Variants in HLCS observed in about 807,000 individuals in gnomAD.
The protein encoded by HLCS is holocarboxylase synthetase.
Under a neutral mutation model 75.0 loss-of-function variants are expected in HLCS, and 53 were observed. The ratio of observed to expected loss-of-function variants is 0.71; its 90% CI spans 0.57 to 0.89. The LOEUF is 0.89. HLCS is among the 40% of genes least tolerant of loss of function. The pLI, the probability that HLCS is intolerant of heterozygous loss-of-function variation, is 0.00. For synonymous variants in HLCS, 431 were observed against 428.6 expected (o/e 1.01, Z -0.07); for missense variants, 966 against 1,074.0 (o/e 0.90, Z 1.41).
At chr21:36,849,388 A>G (rs1385897052) in intron 6 of HLCS, among the ~76,000 whole-genome samples, 8 of 152,260 alleles carry the variant, frequency 5.3e-5, no homozygotes, top group Admixed American at 4.6e-4. Flanking sequence ...TTGTAAAGCC[A>G]TTCAACGTAA....
At chr21:36,989,940 G>C (rs1170498362) in intron 1 of HLCS, among the ~76,000 whole-genome samples, 1 of 152,026 alleles carries the variant, frequency 6.6e-6, no homozygotes, top group African/African-American at 2.4e-5. Context: ...CGCTGCCCTG[G>C]GCCGCGAGGT....
At chr21:36,759,052 C>T (rs2089721895) in intron 9 of HLCS, 1 of 469,142 alleles carries the variant, frequency 2.1e-6, no homozygotes, top group Non-Finnish European at 4.4e-6. Context: ...AATATTGCCC[C>T]TTGGTGGCAG....
At chr21:36,956,600 G>A (rs1185565523) in intron 2 of HLCS, among the ~76,000 whole-genome samples, 4 of 152,018 alleles carry the variant, frequency 2.6e-5, no homozygotes, top group Admixed American at 6.6e-5. Flanking sequence ...TGTGGTGGTG[G>A]GCGCCTGTAG....
chr21:36,962,720 G>A (rs1257255686), intron 1 of HLCS, among the ~76,000 whole-genome samples: 2 of 148,124 alleles, frequency 1.4e-5, no homozygotes, highest in African/African-American at 2.5e-5. Flanking sequence ...TCGAGCCTGG[G>A]AGCCCGAGGT....
intron 2 of HLCS, among the ~76,000 whole-genome samples, chr21:36,955,885 T>G (rs2067914406): frequency 6.6e-6 from 1 of 152,220 alleles, no homozygotes; most frequent in South Asian, 2.1e-4. Flanking sequence ...TTTTCTATGT[T>G]TAGATACACA....
chr21:36,759,634 T>C (rs2089749172), intron 9 of HLCS, 93 bp downstream of exon 9: 1 of 776,126 alleles, frequency 1.3e-6, no homozygotes, highest in Admixed American at 1.8e-5. Context: ...CATATGATAA[T>C]CTGCTCCTGC....
At chr21:36,921,361 C>T (rs565612096) in intron 5 of HLCS, among the ~76,000 whole-genome samples, 1 of 152,334 alleles carries the variant, frequency 6.6e-6, no homozygotes, top group South Asian at 2.1e-4. Context: ...AGGAGAATCG[C>T]TTGAACCCGG....
At chr21:36,966,347 C>T in intron 1 of HLCS, 97 bp downstream of exon 1, 1 of 544,692 alleles carries the variant, frequency 1.8e-6, no homozygotes, top group African/African-American at 2.0e-5. Flanking sequence ...CACTCCGGGG[C>T]TCCCGAACTC....
rs930472606 is a variant in HLCS, at chr21:36,835,439, G to A, written c.1892+61421C>T. Among the ~76,000 whole-genome samples, 4 of 152,206 alleles carry A rather than the reference G, an allele frequency of 2.6e-5. No individual in the cohort carries two copies. The East Asian group carries it at 5.8e-4, about 22-fold the overall frequency. On this transcript the variant is annotated intron_variant, in intron 6 of 10. Transcript: ENST00000674895. Reference sequence around the variant, plus strand: ...GATGAAATCCAGAGCATATGTCAAAGCTGGACTATGAAGTCATAATTTCTC... The same window carrying A: ...GATGAAATCCAGAGCATATGTCAAAACTGGACTATGAAGTCATAATTTCTC...
intron 5 of HLCS, among the ~76,000 whole-genome samples, chr21:36,925,361 T>C (rs1220984218): frequency 1.3e-5 from 2 of 152,166 alleles, no homozygotes; most frequent in African/African-American, 4.8e-5. Context: ...TTAGCCACCG[T>C]TGGCCACGAT....
chr21:36,816,953 C>A lies in HLCS; in HGVS notation c.1893-49668G>T, dbSNP rs1601377927. 9.2e-5 allele frequency among the ~76,000 whole-genome samples: 14 copies of A among 152,286 alleles called. No homozygotes were observed. In the South Asian group the frequency reaches 2.9e-3, roughly 32 times the overall value. Reference sequence around the variant, plus strand: ...AAGGATCAGAGGAGTCAGCTGTGAGCACTGCTCAGATCCCAGTAAGACTTT... The same window carrying A: ...AAGGATCAGAGGAGTCAGCTGTGAGAACTGCTCAGATCCCAGTAAGACTTT... On this transcript the variant is annotated intron_variant, in intron 6 of 10. Coordinates refer to ENST00000674895, the MANE Select transcript of HLCS (RefSeq NM_001352514.2).
intron 6 of HLCS, among the ~76,000 whole-genome samples, chr21:36,827,015 C>A (rs560936728): frequency 3.2e-4 from 48 of 152,220 alleles, no homozygotes; most frequent in African/African-American, 1.1e-3. Context: ...CAGGGTGCTA[C>A]AAGGATGTCT....
intron 6 of HLCS, among the ~76,000 whole-genome samples, chr21:36,773,511 G>C (rs2060268967): frequency 6.6e-6 from 1 of 152,264 alleles, no homozygotes; most frequent in African/African-American, 2.4e-5. Flanking sequence ...AGTCTGGCAT[G>C]GGGTGGGTGT....
intron 6 of HLCS, among the ~76,000 whole-genome samples, chr21:36,895,931 T>C (rs1364399363): frequency 6.6e-6 from 1 of 152,264 alleles, no homozygotes; most frequent in Non-Finnish European, 1.5e-5. Flanking sequence ...TTTTAAAAAA[T>C]TCCTTTCATT....
rs1266311071 is a variant in HLCS at position 36,936,822 on chromosome 21, T to C, written c.1064A>G (p.Asp355Gly). The C allele has an allele frequency of 6.2e-7, 1 of 1,614,098 alleles. No individual in the cohort carries two copies. Among genetic ancestry groups the C allele is most frequent in the Non-Finnish European group, 8.5e-7 (1 of 1,180,030 alleles). Reference protein sequence around the residue: ...YHLLEDSALRDPWTDNCLLLV... With the variant: ...YHLLEDSALRGPWTDNCLLLV... ...CAGCAGACAGTTGTCCGTCCACGGG[T>C]CTCTGAGAGCACTGTCCTCCAGCAG... is the stretch of plus-strand genomic sequence containing the variant. The change falls in exon 4 of 11, where the codon GAC becomes GGC. Residue 355 changes from aspartate (D) to glycine (G), a missense_variant. Coordinates refer to ENST00000674895, the MANE Select transcript of HLCS (RefSeq NM_001352514.2).
chr21:36,804,936 T>C (rs1437029502), intron 6 of HLCS, among the ~76,000 whole-genome samples: 2 of 152,206 alleles, frequency 1.3e-5, no homozygotes, highest in Non-Finnish European at 2.9e-5. Context: ...GGTTTGACAG[T>C]TGACAAACTG....
chr21:36,858,242 C>T (rs2063265453), intron 6 of HLCS, among the ~76,000 whole-genome samples: 1 of 152,202 alleles, frequency 6.6e-6, no homozygotes, highest in South Asian at 2.1e-4. Context: ...CTCTCCTCCT[C>T]ATTCATATTT....
At chr21:36,953,033 G>A (rs192678401) in intron 2 of HLCS, among the ~76,000 whole-genome samples, 61 of 152,308 alleles carry the variant, frequency 4.0e-4, no homozygotes, top group African/African-American at 1.4e-3. Flanking sequence ...GACCAAGGGG[G>A]CTATGTGACA....
chr21:36,769,261 C>G (rs959177060), intron 6 of HLCS, among the ~76,000 whole-genome samples: 12 of 152,114 alleles, frequency 7.9e-5, no homozygotes, highest in African/African-American at 2.4e-4. Context: ...GGGAGACAAC[C>G]GGGGAAGGAG....
Sources: allele counts gnomAD v4.1 joint callset (sites outside exome capture counted in the v4.1 genomes callset), GRCh38; gene constraint gnomAD v4.1.1; transcripts MANE v1.5; gene names NCBI Gene and HGNC (gene_info 2026-07-23, HGNC 2026-07-21).